RBMS3: variants seen among roughly 807,000 people sequenced by gnomAD.
RBMS3 encodes the protein RNA-binding motif, single-stranded-interacting protein 3.
A neutral mutation model predicts 66.8 loss-of-function variants in RBMS3; 27 were observed. The ratio of observed to expected loss-of-function variants is 0.40; its 90% CI spans 0.30 to 0.56. RBMS3 has a LOEUF of 0.56. Among genes scored for constraint, RBMS3 ranks in the 20% least tolerant of loss-of-function variants. RBMS3 has a pLI of 0.40. For missense variants in RBMS3, 513 were observed against 549.5 expected (o/e 0.93, Z 0.66); for synonymous variants, 188 against 183.0 (o/e 1.03, Z -0.22).
In RBMS3 at chr3:29,691,931, TTCTC is replaced by T. The variant is rs146758867; in HGVS notation, c.400-47775_400-47772del. ...TATAAATCTTATTTATGTGTGACCC[TTCTC>T]TCTCTCTCTCTCTATTTTTTTTTTT... On this transcript the variant is annotated intron_variant, in intron 4 of 14. Coordinates refer to ENST00000383767, the MANE Select transcript of RBMS3 (RefSeq NM_001003793.3). Among the ~76,000 whole-genome samples, 12 of 114,860 alleles carry T rather than the reference TTCTC, an allele frequency of 1.0e-4. 1 individual carries two copies. Among genetic ancestry groups the T allele is most frequent in the Admixed American group, 2.9e-4 (3 of 10,426 alleles). 75.4% of individuals were successfully genotyped at this position (114,860 alleles called of 152,430 possible).
At chr3:29,429,627 G>C (rs1023777571) in intron 1 of RBMS3, among the ~76,000 whole-genome samples, 1 of 152,098 alleles carries the variant, frequency 6.6e-6, no homozygotes, top group Admixed American at 6.5e-5. Context: ...GCAACCCCTT[G>C]CCCTGTTATA....
At chr3:29,800,947 C>G (rs1002406020) in intron 6 of RBMS3, among the ~76,000 whole-genome samples, 2 of 151,866 alleles carry the variant, frequency 1.3e-5, no homozygotes, top group African/African-American at 4.8e-5. Context: ...TGCTTCCCCA[C>G]CTGTTCCCTT....
intron 3 of RBMS3, among the ~76,000 whole-genome samples, chr3:29,578,224 C>A (rs898528911): frequency 2.0e-5 from 3 of 152,092 alleles, no homozygotes; most frequent in Non-Finnish European, 4.4e-5. Flanking sequence ...AATGACAGAG[C>A]AGTTTGTTTT....
intron 3 of RBMS3, among the ~76,000 whole-genome samples, chr3:29,565,824 T>C (rs986266245): frequency 6.6e-6 from 1 of 152,188 alleles, no homozygotes; most frequent in Non-Finnish European, 1.5e-5. Flanking sequence ...AGGTCTCTCT[T>C]GAAGATAAAT....
intron 6 of RBMS3, among the ~76,000 whole-genome samples, chr3:29,829,785 T>C (rs1358559547): frequency 1.3e-5 from 2 of 152,148 alleles, no homozygotes; most frequent in Admixed American, 6.5e-5. Flanking sequence ...ACAATGTTTT[T>C]CAATGGTCTT....
chr3:29,541,289 A>G (rs1180053274), intron 3 of RBMS3, among the ~76,000 whole-genome samples: 3 of 85,998 alleles, frequency 3.5e-5, no homozygotes, highest in Non-Finnish European at 6.6e-5. Flanking sequence ...GGTGACCAAT[A>G]GGCCTAACAA....
rs367664450 is a variant in RBMS3 at position 29,740,754 on chromosome 3, A to C, written c.557+877A>C. On this transcript the variant is annotated intron_variant, in intron 5 of 14. Transcript: ENST00000383767. ...CAGCCCATTGCAGACAAGTTTGTTC[A>C]TCTAGGGCCAGGCAGGGTGGCTGAC... is the stretch of plus-strand genomic sequence containing the variant. Among the ~76,000 whole-genome samples, 6 of 152,304 alleles carry C rather than the reference A, an allele frequency of 3.9e-5. No individual in the cohort carries two copies. In the East Asian group the frequency reaches 1.2e-3, roughly 29 times the overall value.
intron 4 of RBMS3, among the ~76,000 whole-genome samples, chr3:29,699,664 C>A (rs954114692): frequency 6.6e-6 from 1 of 152,070 alleles, no homozygotes; most frequent in Non-Finnish European, 1.5e-5. Flanking sequence ...AAAAATAATT[C>A]TCTATAAACA....
intron 3 of RBMS3, among the ~76,000 whole-genome samples, chr3:29,580,711 A>G (rs2047299879): frequency 6.7e-6 from 1 of 148,816 alleles, no homozygotes; most frequent in Non-Finnish European, 1.5e-5. Context: ...ATAATAATAA[A>G]AGGAAGATCT....
chr3:29,651,574 C>T (rs1295652695), intron 4 of RBMS3, among the ~76,000 whole-genome samples: 1 of 152,040 alleles, frequency 6.6e-6, no homozygotes, highest in African/African-American at 2.4e-5. Flanking sequence ...TACAAGTGTA[C>T]ACACATACAC....
At chr3:29,512,603 A>G (rs2044457514) in intron 3 of RBMS3, among the ~76,000 whole-genome samples, 2 of 152,204 alleles carry the variant, frequency 1.3e-5, no homozygotes, top group Non-Finnish European at 2.9e-5. Flanking sequence ...TTTCATCAAG[A>G]AACTGACCCA....
chr3:29,781,013 G>A (rs1243037886), intron 6 of RBMS3, among the ~76,000 whole-genome samples: 1 of 151,460 alleles, frequency 6.6e-6, no homozygotes, highest in East Asian at 1.9e-4. Flanking sequence ...TGTGCACAAT[G>A]TGCAGGTTTG....
intron 1 of RBMS3, among the ~76,000 whole-genome samples, chr3:29,428,308 G>C (rs986817751): frequency 1.3e-5 from 2 of 152,044 alleles, no homozygotes; most frequent in African/African-American, 2.4e-5. Flanking sequence ...ATCTAGTAGG[G>C]AGAGGACAGG....
intron 8 of RBMS3, among the ~76,000 whole-genome samples, chr3:29,886,444 G>A (rs2059873640): frequency 6.6e-6 from 1 of 151,756 alleles, no homozygotes; most frequent in African/African-American, 2.4e-5. Context: ...ACAAAGGGAA[G>A]GCTATATGGA....
chr3:29,656,124 G>A (rs1328059712), intron 4 of RBMS3, among the ~76,000 whole-genome samples: 8 of 151,992 alleles, frequency 5.3e-5, no homozygotes, highest in Non-Finnish European at 7.4e-5. Context: ...GTAAGATAAG[G>A]TTAATTTATT....
intron 4 of RBMS3, among the ~76,000 whole-genome samples, chr3:29,668,251 C>T (rs774709954): frequency 1.3e-5 from 2 of 152,134 alleles, no homozygotes; most frequent in Non-Finnish European, 2.9e-5. Flanking sequence ...TTGCTACTTC[C>T]CCTAAGGTTG....
chr3:29,565,261 C>T (rs940903289), intron 3 of RBMS3, among the ~76,000 whole-genome samples: 1 of 152,056 alleles, frequency 6.6e-6, no homozygotes, highest in African/African-American at 2.4e-5. Flanking sequence ...GGAGAGCTCT[C>T]AAAAACTTAG....
chr3:29,742,660 A>G (rs1018017482), intron 5 of RBMS3, among the ~76,000 whole-genome samples: 5 of 152,192 alleles, frequency 3.3e-5, no homozygotes, highest in Non-Finnish European at 7.3e-5. Flanking sequence ...AAAATATATC[A>G]CGATTACAAT....
chr3:29,566,917 T>C (rs972662767), intron 3 of RBMS3, among the ~76,000 whole-genome samples: 11 of 152,152 alleles, frequency 7.2e-5, no homozygotes, highest in African/African-American at 2.7e-4. Flanking sequence ...CTTAAATAAG[T>C]TGATTAAAAA....
Sources: gnomAD v4.1 joint callset for allele counts (sites outside exome capture counted in the v4.1 genomes callset) on GRCh38, gnomAD v4.1.1 for gene constraint, MANE v1.5 for transcripts, NCBI Gene and HGNC (gene_info 2026-07-23, HGNC 2026-07-21) for gene names.